The following TMEM175 variants were observed in gnomAD, a reference collection of about 807,000 sequenced individuals.
TMEM175 encodes transmembrane protein 175, also known as endosomal/lysosomal proton channel TMEM175.
In TMEM175, 36 loss-of-function variants were observed where a neutral mutation model predicts 36.5. The observed-to-expected ratio is 0.99, with a 90% CI of 0.76 to 1.30. The LOEUF is 1.30. TMEM175 is among the 50% of genes most tolerant of loss of function. The pLI, the probability that TMEM175 is intolerant of heterozygous loss-of-function variation, is 0.00. For missense variants in TMEM175, 705 were observed against 692.8 expected (o/e 1.02, Z -0.20); for synonymous variants, 339 against 313.4 (o/e 1.08, Z -0.86).
chr4:952,474 CTG>C (rs3066989), intron 7 of TMEM175, 24 bp downstream of exon 7: 46,760 of 996,674 alleles, frequency 0.047, 276 homozygotes, highest in Admixed American at 0.13. Context: ...GGGGCCTGCA[CTG>C]TGTGTGTGTG....
intron 1 of TMEM175, among the ~76,000 whole-genome samples, chr4:933,001 G>A (rs1300807298): frequency 1.3e-5 from 2 of 152,318 alleles, no homozygotes; most frequent in African/African-American, 2.4e-5. Context: ...GACCCTCAAG[G>A]TTCGTTCTCA....
intron 1 of TMEM175, among the ~76,000 whole-genome samples, chr4:947,495 G>A (rs1035990661): frequency 1.3e-5 from 2 of 152,206 alleles, no homozygotes; most frequent in African/African-American, 4.8e-5. Flanking sequence ...CCAGTAACAG[G>A]GCCGGGAGTG....
chr4:951,045 C>G (rs895338072), intron 4 of TMEM175, among the ~76,000 whole-genome samples, 162 bp from the exon 5 acceptor site: 1 of 151,834 alleles, frequency 6.6e-6, no homozygotes, highest in Non-Finnish European at 1.5e-5. Flanking sequence ...ACTTCATTTC[C>G]TTCGTGTTTT....
intron 3 of TMEM175, among the ~76,000 whole-genome samples, chr4:949,932 G>C (rs1405375559): frequency 6.6e-6 from 1 of 152,220 alleles, no homozygotes; most frequent in Non-Finnish European, 1.5e-5. Flanking sequence ...GTGAGGCAGA[G>C]CCTTTCGGTG....
rs368509864 is a variant in TMEM175, at chr4:958,343, C to G, written c.1362C>G (p.Ala454=). ...SVGIFHLMQI[A]VPCAFLLLRL... is the part of the protein sequence containing the mutation. ...GCATCTTCCACCTCATGCAGATCGC[C>G]GTGCCCTGCGCCTTCCTGTTGCTGC... The change falls in exon 11 of 11, where the codon GCC becomes GCG. Residue 454 remains alanine (A), a synonymous_variant. Coordinates refer to ENST00000264771, the MANE Select transcript of TMEM175 (RefSeq NM_032326.4). The G allele has an allele frequency of 3.1e-6, 5 of 1,604,350 alleles. No homozygotes were observed. Among genetic ancestry groups the G allele is most frequent in the South Asian group, 1.1e-5 (1 of 91,082 alleles).
At chr4:957,800 A>C (rs1473595837) in intron 10 of TMEM175, 24 bp from the exon 11 acceptor site, 1 of 1,574,120 alleles carries the variant, frequency 6.4e-7, no homozygotes, top group Non-Finnish European at 8.6e-7. Flanking sequence ...GGCCGGCACA[A>C]ATGCATCTAT....
Position 958,204 on chromosome 4 carries a change from C to G in TMEM175, c.1223C>G (p.Ser408Trp). 1 of 1,602,170 alleles carries G rather than the reference C, an allele frequency of 6.2e-7. No individual in the cohort carries two copies. The highest frequency in any genetic ancestry group is 8.5e-7 in the Non-Finnish European group (1 of 1,176,656). The change falls in exon 11 of 11, where the codon TCG (serine) becomes TGG (tryptophan). Residue 408 changes from serine (S) to tryptophan (W), a missense_variant. By Grantham distance (177) the Ser-to-Trp change is radical. Coordinates refer to ENST00000264771, the MANE Select transcript of TMEM175 (RefSeq NM_032326.4). The stretch of plus-strand genomic sequence containing the variant: ...CACCAGGCGGAGACGCTGCAGCCCT[C>G]GGTGTGGTTTGGCGGCCGGGAGCAT... ...LLHQAETLQP[S>W]VWFGGREHVL...
chr4:958,297 T>C lies in TMEM175; in HGVS notation c.1316T>C (p.Leu439Pro), dbSNP rs1014453522. ...ASLLAFASTC[L>P]LSRFSVGIFH... ...CTGCTGGCCTTCGCCTCCACCTGCC[T>C]GCTGAGCAGGTTCAGTGTGGGCATC... The change falls in exon 11 of 11, where the codon CTG (leucine) becomes CCG (proline). Residue 439 changes from leucine to proline, a missense_variant. By Grantham distance (98) the Leu-to-Pro change is moderately conservative. Transcript: ENST00000264771. The C allele has an allele frequency of 1.2e-6, 2 of 1,606,040 alleles. No individual in the cohort carries two copies. Among genetic ancestry groups the C allele is most frequent in the Non-Finnish European group, 1.7e-6 (2 of 1,179,800 alleles).
intron 7 of TMEM175, among the ~76,000 whole-genome samples, 177 bp downstream of exon 7, chr4:952,627 G>GCT (rs1553907714): frequency 9.7e-6 from 1 of 103,560 alleles, no homozygotes; most frequent in East Asian, 3.2e-4. Context: ...GGGGTCCTGT[G>GCT]CTGTGTGTGT....
In TMEM175 at chr4:958,564, G is replaced by A; in HGVS notation, c.*68G>A. ...CCAGGGAGGACAGGATGCTGGGCAG[G>A]GGAAGCCAAGTCACGGGCAGGCCGC... is the stretch of plus-strand genomic sequence containing the variant. On this transcript the variant is annotated 3_prime_UTR_variant, in exon 11 of 11. Coordinates refer to ENST00000264771, the MANE Select transcript of TMEM175 (RefSeq NM_032326.4). 1.5e-6 allele frequency: 2 copies of A among 1,342,120 alleles called. No homozygotes were observed. The highest frequency in any genetic ancestry group is 2.0e-6 in the Non-Finnish European group (2 of 1,013,678). 83.1% of individuals were successfully genotyped at this position (1,342,120 alleles called of 1,614,324 possible). A position where few individuals can be genotyped will look rare whatever the true frequency, so the allele number is the denominator to read the frequency against.
chr4:956,602 C>T, intron 10 of TMEM175: 1 of 614,320 alleles, frequency 1.6e-6, no homozygotes, highest in Non-Finnish European at 2.4e-6. Flanking sequence ...ACCACCATGC[C>T]CAGCTAACTT....
chr4:942,797 G>A (rs986344395), intron 1 of TMEM175, among the ~76,000 whole-genome samples: 6 of 151,890 alleles, frequency 4.0e-5, no homozygotes, highest in South Asian at 2.1e-4. Context: ...ACACCACTAC[G>A]TCCAGCTAAT....
At position 933,603 on chromosome 4, in the gene TMEM175, A is replaced by C. The variant is rs558061605; in HGVS notation, c.-32+1063A>C. On this transcript the variant is annotated intron_variant, in intron 1 of 10. Coordinates refer to ENST00000264771, the MANE Select transcript of TMEM175 (RefSeq NM_032326.4). The stretch of plus-strand genomic sequence containing the variant: ...ATGATGTGTGTTACCAATTACCTAG[A>C]GTGGTCCCTTGAGGTAAGACACAGT... Among the ~76,000 whole-genome samples the C allele has an allele frequency of 2.6e-5, 4 of 152,346 alleles. No individual in the cohort carries two copies. In the South Asian group the frequency reaches 8.3e-4, roughly 32 times the overall value.
At chr4:957,036 C>T (rs572642230) in intron 10 of TMEM175, 1 of 154,662 alleles carries the variant, frequency 6.5e-6, no homozygotes, top group East Asian at 1.9e-4. Flanking sequence ...TGGGAGGGAC[C>T]TGCCGAAGAG....
intron 8 of TMEM175, among the ~76,000 whole-genome samples, chr4:954,131 G>A (rs1235217002): frequency 1.3e-5 from 2 of 151,974 alleles, no homozygotes; most frequent in African/African-American, 4.8e-5. Flanking sequence ...CGGGATTACA[G>A]GTGCCTGCCA....
chr4:938,060 G>C (rs1726997578), intron 1 of TMEM175, among the ~76,000 whole-genome samples: 1 of 151,794 alleles, frequency 6.6e-6, no homozygotes, highest in South Asian at 2.1e-4. Context: ...AAGGGCATCT[G>C]TGAAAAACCT....
intron 1 of TMEM175, among the ~76,000 whole-genome samples, chr4:946,517 G>C (rs186305873): frequency 6.6e-6 from 1 of 152,272 alleles, no homozygotes; most frequent in East Asian, 1.9e-4. Flanking sequence ...GAAATCCATA[G>C]TGCCTGGTTG....
At chr4:952,775 GTA>G (rs149637555) in intron 7 of TMEM175, among the ~76,000 whole-genome samples, 18,184 of 150,458 alleles carry the variant, frequency 0.12, 1,466 homozygotes, top group East Asian at 0.29. Context: ...TGTGTGTGCT[GTA>G]TGTGTGTGTG....
At chr4:950,382 T>A in intron 3 of TMEM175, 39 bp from the exon 4 acceptor site, 1 of 1,505,160 alleles carries the variant, frequency 6.6e-7, no homozygotes. Context: ...GGGACACTCA[T>A]GTCACCTGGG....
Sources: gnomAD v4.1 joint callset for allele counts (sites outside exome capture counted in the v4.1 genomes callset) on GRCh38, gnomAD v4.1.1 for gene constraint, MANE v1.5 for transcripts, NCBI Gene and HGNC (gene_info 2026-07-23, HGNC 2026-07-21) for gene names.